The following SGCD variants were observed in gnomAD, a reference collection of about 807,000 sequenced individuals.
The protein encoded by SGCD is delta-sarcoglycan.
In SGCD, 18 loss-of-function variants were observed where a neutral mutation model predicts 36.6. The ratio of observed to expected loss-of-function variants is 0.49; its 90% CI spans 0.34 to 0.73. The LOEUF is 0.73. Among genes scored for constraint, SGCD ranks in the 30% least tolerant of loss-of-function variants. SGCD has a pLI of 0.01. For synonymous variants in SGCD, 133 were observed against 130.6 expected (o/e 1.02, Z -0.12); for missense variants, 387 against 346.7 (o/e 1.12, Z -0.92).
intron 7 of SGCD, among the ~76,000 whole-genome samples, chr5:156,691,451 A>G (rs772824664): frequency 5.9e-5 from 9 of 152,150 alleles, no homozygotes; most frequent in Non-Finnish European, 1.3e-4. Flanking sequence ...AATAAGGGTC[A>G]ATAAATTTTT....
chr5:156,125,934 A>G (rs1478515157), intron 3 of SGCD, among the ~76,000 whole-genome samples: 1 of 150,384 alleles, frequency 6.6e-6, no homozygotes, highest in Non-Finnish European at 1.5e-5. Context: ...CTGGAGTACA[A>G]TGGCACAGTC....
At chr5:156,363,173 T>C (rs994571256) in intron 3 of SGCD, among the ~76,000 whole-genome samples, 9 of 152,294 alleles carry the variant, frequency 5.9e-5, no homozygotes, top group Admixed American at 2.0e-4. Context: ...CATAATTAAT[T>C]TCAGTTAATT....
chr5:156,056,951 A>G (rs917693106), intron 1 of SGCD, among the ~76,000 whole-genome samples: 1 of 146,346 alleles, frequency 6.8e-6, no homozygotes, highest in African/African-American at 2.5e-5. Flanking sequence ...TTATCAAGAC[A>G]GGGTGGAAAC....
At chr5:156,596,934 G>C (rs1049769852) in intron 6 of SGCD, among the ~76,000 whole-genome samples, 2 of 151,924 alleles carry the variant, frequency 1.3e-5, no homozygotes, top group Non-Finnish European at 2.9e-5. Flanking sequence ...CCATTATACT[G>C]TCCTGTCCCA....
chr5:156,418,651 G>A (rs1773157898), intron 3 of SGCD, among the ~76,000 whole-genome samples: 1 of 152,164 alleles, frequency 6.6e-6, no homozygotes, highest in African/African-American at 2.4e-5. Flanking sequence ...AGGAGATGGA[G>A]GAGTCCTATT....
intron 1 of SGCD, among the ~76,000 whole-genome samples, chr5:155,917,847 G>A (rs1014865787): frequency 6.6e-6 from 1 of 151,946 alleles, no homozygotes; most frequent in Non-Finnish European, 1.5e-5. Context: ...CTATTCTAAT[G>A]TGACCAAGTG....
chr5:156,023,171 G>T (rs1581047218), intron 1 of SGCD, among the ~76,000 whole-genome samples: 1 of 152,224 alleles, frequency 6.6e-6, no homozygotes, highest in Non-Finnish European at 1.5e-5. Flanking sequence ...CTCTTAGGAG[G>T]ATTAAATTAG....
At chr5:156,118,842 A>C (rs1761965906) in intron 2 of SGCD, among the ~76,000 whole-genome samples, 1 of 152,168 alleles carries the variant, frequency 6.6e-6, no homozygotes, top group Non-Finnish European at 1.5e-5. Context: ...GCTATTCATC[A>C]GCGGTTTGTT....
chr5:156,123,375 A>T (rs1170473466), intron 2 of SGCD, among the ~76,000 whole-genome samples: 1 of 152,094 alleles, frequency 6.6e-6, no homozygotes, highest in Non-Finnish European at 1.5e-5. Context: ...GCCAAGATGG[A>T]GTGGCCAGTG....
At chr5:156,753,932 C>T (rs940653960) in intron 7 of SGCD, among the ~76,000 whole-genome samples, 8 of 152,192 alleles carry the variant, frequency 5.3e-5, no homozygotes, top group East Asian at 1.9e-4. Flanking sequence ...AGCGTGTGAA[C>T]AACTTCTGTT....
intron 1 of SGCD, among the ~76,000 whole-genome samples, chr5:156,049,585 T>C (rs1397202199): frequency 6.8e-6 from 1 of 146,420 alleles, no homozygotes; most frequent in African/African-American, 2.5e-5. Context: ...ACATGCCAAA[T>C]TGTAAGAGCA....
intron 1 of SGCD, among the ~76,000 whole-genome samples, chr5:156,072,981 T>C (rs1347662909): frequency 6.6e-6 from 1 of 152,222 alleles, no homozygotes; most frequent in Non-Finnish European, 1.5e-5. Flanking sequence ...TTCAGCTCCA[T>C]CAGCTCCTTT....
intron 1 of SGCD, among the ~76,000 whole-genome samples, chr5:155,990,757 G>A (rs1758414379): frequency 6.6e-6 from 1 of 152,090 alleles, no homozygotes; most frequent in South Asian, 2.1e-4. Context: ...AATTCTTGCA[G>A]CAACCTTTTG....
rs34093451 is a variant in SGCD at position 155,890,638 on chromosome 5, TGATAGATA to T, written c.-282+20249_-282+20256del. ...ATAGGTAGGTAAGTAGATAGACAGA[TGATAGATA>T]GATAGATAGATAGATAGATAGATAG... On this transcript the variant is annotated intron_variant, in intron 1 of 9. Transcript: ENST00000517913. Among the ~76,000 whole-genome samples, 308 of 143,546 alleles carry T rather than the reference TGATAGATA, an allele frequency of 2.1e-3. 2 individuals are homozygous for T. Among genetic ancestry groups the T allele is most frequent in the South Asian group, 0.017 (73 of 4,270 alleles). 94.2% of individuals were successfully genotyped at this position (143,546 alleles called of 152,430 possible). A position where few individuals can be genotyped will look rare whatever the true frequency, so the allele number is the denominator to read the frequency against.
At chr5:155,869,214 C>G (rs1161458409), upstream of SGCD, among the ~76,000 whole-genome samples, 1 of 152,086 alleles carries the variant, frequency 6.6e-6, no homozygotes, top group Non-Finnish European at 1.5e-5. Context: ...TAGAAGCAAC[C>G]CTACTTGAAG....
intron 1 of SGCD, among the ~76,000 whole-genome samples, chr5:156,081,150 G>T (rs1042849744): frequency 2.6e-5 from 4 of 152,168 alleles, no homozygotes; most frequent in Non-Finnish European, 5.9e-5. Flanking sequence ...GAGGGAGAAG[G>T]CATCTTATGT....
chr5:155,762,322 A>G, the SGCD span, among the ~76,000 whole-genome samples: 5 of 152,208 alleles, frequency 3.3e-5, no homozygotes, highest in South Asian at 4.1e-4. Flanking sequence ...GAATGAAATT[A>G]TGGTTAATGC....
chr5:156,118,560 A>G (rs4085065), intron 2 of SGCD, among the ~76,000 whole-genome samples: 2,289 of 152,222 alleles, frequency 0.015, 32 homozygotes, highest in South Asian at 0.039. Context: ...GCAAAGCCCA[A>G]CCCATGTTTA....
chr5:156,482,603 C>A (rs1755479921), intron 3 of SGCD, among the ~76,000 whole-genome samples: 1 of 152,094 alleles, frequency 6.6e-6, no homozygotes, highest in African/African-American at 2.4e-5. Flanking sequence ...AAATGATCCT[C>A]TTTAAAGTCA....
Sources: allele counts gnomAD v4.1 joint callset (sites outside exome capture counted in the v4.1 genomes callset), GRCh38; gene constraint gnomAD v4.1.1; transcripts MANE v1.5; gene names NCBI Gene and HGNC (gene_info 2026-07-23, HGNC 2026-07-21).